MAP2K6: variants seen among roughly 807,000 people sequenced by gnomAD.
The protein encoded by MAP2K6 is dual specificity mitogen-activated protein kinase kinase 6.
Under a neutral mutation model 53.7 loss-of-function variants are expected in MAP2K6, and 16 were observed. The ratio of observed to expected loss-of-function variants is 0.30; its 90% confidence interval spans 0.20 to 0.45. The LOEUF is 0.45. MAP2K6 is among the 20% of genes least tolerant of loss of function. The pLI is 1.00. For missense variants in MAP2K6, 204 were observed against 411.9 expected (o/e 0.50, Z 4.37); for synonymous variants, 132 against 143.1 (o/e 0.92, Z 0.55).
rs1911805746 is a variant in MAP2K6 at position 69,544,616 on chromosome 17, T to G, written c.*2863T>G. On this transcript the variant is annotated 3_prime_UTR_variant, in exon 12 of 12. Coordinates refer to ENST00000590474, the MANE Select transcript of MAP2K6 (RefSeq NM_002758.4). ...GCTCTACAAAAGAGATCATGCTTAT[T>G]TCCCCAGATGTATTTGATTTTGTAT... 1 of 152,220 alleles carries G rather than the reference T, an allele frequency of 6.6e-6. No individual in the cohort carries two copies. The highest frequency in any genetic ancestry group is 1.5e-5 in the Non-Finnish European group (1 of 68,040). 9.4% of individuals were successfully genotyped at this position (152,220 alleles called of 1,614,324 possible).
chr17:69,480,096 C>A (rs1288633478), intron 1 of MAP2K6, among the ~76,000 whole-genome samples: 2 of 152,036 alleles, frequency 1.3e-5, no homozygotes, highest in African/African-American at 4.8e-5. Context: ...TTTATTTGTT[C>A]ATAAAATTTA....
At position 69,550,431 on chromosome 17, in the gene MAP2K6, A is replaced by G. The variant is rs1269183714; in HGVS notation, c.*8678A>G. On this transcript the variant is annotated 3_prime_UTR_variant, in exon 12 of 12. Transcript: ENST00000590474. ...TGAGCAAGCTTCTTTCCCATAATTC[A>G]GAGAACTGTGAATGTACTTAGAAAT... 6.6e-6 allele frequency: 1 copy of G among 152,272 alleles called. No individual in the cohort carries two copies. The highest frequency in any genetic ancestry group is 2.4e-5 in the African/African-American group (1 of 41,468). 9.4% of individuals were successfully genotyped at this position (152,272 alleles called of 1,614,324 possible). A position where few individuals can be genotyped will look rare whatever the true frequency, so the allele number is the denominator to read the frequency against.
intron 1 of MAP2K6, among the ~76,000 whole-genome samples, chr17:69,426,923 A>G (rs1906291910): frequency 6.6e-6 from 1 of 152,202 alleles, no homozygotes; most frequent in African/African-American, 2.4e-5. Flanking sequence ...TTGTGATTGC[A>G]ATAGGTGAAT....
chr17:69,499,196 T>C (rs971310281), intron 1 of MAP2K6, among the ~76,000 whole-genome samples: 1 of 152,202 alleles, frequency 6.6e-6, no homozygotes, highest in South Asian at 2.1e-4. Context: ...AATGTAATTC[T>C]AGTGTAAATA....
At chr17:69,510,034 G>C (rs867348592) in intron 2 of MAP2K6, among the ~76,000 whole-genome samples, 1 of 151,958 alleles carries the variant, frequency 6.6e-6, no homozygotes, top group Non-Finnish European at 1.5e-5. Flanking sequence ...TTGTAGAGAC[G>C]GGGTTTTGCC....
chr17:69,475,061 C>G (rs1483425961), intron 1 of MAP2K6, among the ~76,000 whole-genome samples: 1 of 151,812 alleles, frequency 6.6e-6, no homozygotes, highest in Non-Finnish European at 1.5e-5. Flanking sequence ...GCCCTCAAAG[C>G]AGAGTGTAAT....
chr17:69,443,418 G>T (rs1162607841), intron 1 of MAP2K6, among the ~76,000 whole-genome samples: 1 of 152,188 alleles, frequency 6.6e-6, no homozygotes, highest in African/African-American at 2.4e-5. Context: ...CCTGTTTGTG[G>T]TAGTGTTAGA....
Position 69,499,997 on chromosome 17 carries a change from A to G in MAP2K6, c.17-5783A>G, listed in dbSNP as rs116057227. ...GTTCAGGAAGCTCTGGGAAGGTTCT[A>G]TGAGGGAGGTTTTGAATTTGGAAGG... On this transcript the variant is annotated intron_variant, in intron 1 of 11. Coordinates refer to ENST00000590474, the MANE Select transcript of MAP2K6 (RefSeq NM_002758.4). 8.0e-3 allele frequency among the ~76,000 whole-genome samples: 1,225 copies of G among 152,258 alleles called. 22 individuals carry two copies. The highest frequency in any genetic ancestry group is 0.028 in the African/African-American group (1,152 of 41,564).
At chr17:69,464,011 C>G (rs575101090) in intron 1 of MAP2K6, among the ~76,000 whole-genome samples, 1 of 151,934 alleles carries the variant, frequency 6.6e-6, no homozygotes, top group African/African-American at 2.4e-5. Context: ...CATAGGCTCA[C>G]CAGTACAACA....
intron 1 of MAP2K6, among the ~76,000 whole-genome samples, chr17:69,426,797 TA>T (rs202039805): frequency 0.4 from 58,111 of 146,182 alleles, 11,717 homozygotes; most frequent in Middle Eastern, 0.46. Context: ...TAGAAGGATT[TA>T]AAAAAAAAAA....
intron 10 of MAP2K6, among the ~76,000 whole-genome samples, chr17:69,529,277 C>T (rs1212527559): frequency 2.6e-5 from 4 of 152,014 alleles, no homozygotes; most frequent in Admixed American, 6.6e-5. Flanking sequence ...TGTACAGCTG[C>T]GGTGATAACC....
In MAP2K6 at chr17:69,547,212, G is replaced by A. The variant is rs891285416; in HGVS notation, c.*5459G>A. On this transcript the variant is annotated 3_prime_UTR_variant, in exon 12 of 12. Coordinates refer to ENST00000590474, the MANE Select transcript of MAP2K6 (RefSeq NM_002758.4). The stretch of plus-strand genomic sequence containing the variant: ...ACTTTTTTTGGTTGTTGTTGGGAGG[G>A]GGTTGCAGTTTATATACTCCACGGG... 6.6e-6 allele frequency: 1 copy of A among 151,970 alleles called. No homozygotes were observed. The highest frequency in any genetic ancestry group is 2.4e-5 in the African/African-American group (1 of 41,358). 9.4% of individuals were successfully genotyped at this position (151,970 alleles called of 1,614,324 possible). A position where few individuals can be genotyped will look rare whatever the true frequency, so the allele number is the denominator to read the frequency against.
chr17:69,424,431 G>A (rs1020871937), intron 1 of MAP2K6, among the ~76,000 whole-genome samples: 1 of 152,166 alleles, frequency 6.6e-6, no homozygotes, highest in Non-Finnish European at 1.5e-5. Context: ...TGATGAATGT[G>A]AATTCTATCA....
intron 1 of MAP2K6, among the ~76,000 whole-genome samples, chr17:69,457,433 A>C (rs1160010165): frequency 1.3e-5 from 2 of 152,196 alleles, no homozygotes; most frequent in African/African-American, 4.8e-5. Flanking sequence ...TGGAATTTTC[A>C]TAGGGGATCC....
intron 1 of MAP2K6, among the ~76,000 whole-genome samples, chr17:69,446,670 A>G (rs1219549266): frequency 6.6e-6 from 1 of 152,142 alleles, no homozygotes; most frequent in Non-Finnish European, 1.5e-5. Context: ...GCCAACTTCG[A>G]TCAGGGGCAC....
chr17:69,517,478 T>G, intron 3 of MAP2K6, 22 bp from the exon 4 acceptor site: 1 of 1,400,106 alleles, frequency 7.1e-7, no homozygotes, highest in Non-Finnish European at 1.0e-6. Context: ...TCCCATTGCA[T>G]TATTCCTTTT....
chr17:69,515,650 G>A (rs2145246984), intron 2 of MAP2K6, among the ~76,000 whole-genome samples: 1 of 152,268 alleles, frequency 6.6e-6, no homozygotes, highest in East Asian at 1.9e-4. Flanking sequence ...GCAAACCTCT[G>A]GCTCTTAAGA....
chr17:69,543,267 CT>C lies in MAP2K6; in HGVS notation c.*1516del, dbSNP rs1425757037. 5.3e-5 allele frequency: 8 copies of C among 151,884 alleles called. No individual in the cohort carries two copies. Among genetic ancestry groups the C allele is most frequent in the Admixed American group, 4.6e-4 (7 of 15,260 alleles). 9.4% of individuals were successfully genotyped at this position (151,884 alleles called of 1,614,324 possible). A position where few individuals can be genotyped will look rare whatever the true frequency, so the allele number is the denominator to read the frequency against. The stretch of plus-strand genomic sequence containing the variant: ...GAAAAAAAAACCTTATTTTTTCTTT[CT>C]TGGCCTCAAGTTCAATATGGAGAGG... On this transcript the variant is annotated 3_prime_UTR_variant, in exon 12 of 12. Coordinates refer to ENST00000590474, the MANE Select transcript of MAP2K6 (RefSeq NM_002758.4).
At chr17:69,466,828 T>C (rs1907829625) in intron 1 of MAP2K6, among the ~76,000 whole-genome samples, 1 of 152,236 alleles carries the variant, frequency 6.6e-6, no homozygotes, top group Non-Finnish European at 1.5e-5. Flanking sequence ...AGATCTAGGA[T>C]TCACTTATGT....
Sources: gnomAD v4.1 joint callset for allele counts (sites outside exome capture counted in the v4.1 genomes callset) on GRCh38, gnomAD v4.1.1 for gene constraint, MANE v1.5 for transcripts, NCBI Gene and HGNC (gene_info 2026-07-23, HGNC 2026-07-21) for gene names.